Variants in THSD4 observed in about 807,000 individuals in gnomAD.
THSD4 encodes the protein thrombospondin type-1 domain-containing protein 4.
THSD4 carries 69 observed loss-of-function variants against 119.0 expected under a neutral mutation model. The ratio of observed to expected loss-of-function variants is 0.58; its 90% confidence interval spans 0.48 to 0.71. The LOEUF (loss-of-function observed/expected upper bound fraction) is 0.71. Among genes scored for constraint, THSD4 ranks in the 30% least tolerant of loss-of-function variants. THSD4 has a pLI of 0.00. For missense variants in THSD4, 1,393 were observed against 1,391.1 expected (o/e 1.00, Z -0.02); for synonymous variants, 524 against 540.4 (o/e 0.97, Z 0.42).
intron 8 of THSD4, among the ~76,000 whole-genome samples, chr15:71,665,838 C>T (rs1344936549): frequency 6.6e-6 from 1 of 152,080 alleles, no homozygotes; most frequent in Non-Finnish European, 1.5e-5. Context: ...GGCCTTATTT[C>T]TCTATTCTGT....
At chr15:71,657,000 T>G (rs1040854719) in intron 7 of THSD4, among the ~76,000 whole-genome samples, 6 of 152,120 alleles carry the variant, frequency 3.9e-5, no homozygotes, top group Non-Finnish European at 7.3e-5. Context: ...CCATCCCCAG[T>G]CCCCTCATTC....
chr15:71,349,448 C>T (rs1018459858), intron 6 of THSD4, among the ~76,000 whole-genome samples: 1 of 152,176 alleles, frequency 6.6e-6, no homozygotes, highest in African/African-American at 2.4e-5. Context: ...TCCATCTCCC[C>T]CTGCCCCTAT....
At chr15:71,233,444 A>T (rs2044077016) in intron 4 of THSD4, among the ~76,000 whole-genome samples, 1 of 152,190 alleles carries the variant, frequency 6.6e-6, no homozygotes. Context: ...TATACTGTGT[A>T]CATTTTTCAT....
Position 71,641,769 on chromosome 15 carries a change from A to G in THSD4, c.1153-18761A>G, listed in dbSNP as rs1490590655. Reference sequence around the variant, plus strand: ...TTCATTAAAGGGATATTTTTAAGCCACTGTTTTCACAAGAAAACCAAATGC... The same window carrying G: ...TTCATTAAAGGGATATTTTTAAGCCGCTGTTTTCACAAGAAAACCAAATGC... On this transcript the variant is annotated intron_variant, in intron 7 of 17. Transcript: ENST00000261862. Among the ~76,000 whole-genome samples, 7 of 152,310 alleles carry G rather than the reference A, an allele frequency of 4.6e-5. No individual in the cohort carries two copies. The South Asian group carries it at 1.4e-3, about 32-fold the overall frequency.
chr15:71,520,229 A>T (rs2048419932), intron 7 of THSD4, among the ~76,000 whole-genome samples: 1 of 152,166 alleles, frequency 6.6e-6, no homozygotes, highest in Non-Finnish European at 1.5e-5. Context: ...AGAGGGTTGG[A>T]GCGTGCTCTC....
chr15:71,307,293 CTCTGTGTCACCG>C (rs976551611), intron 6 of THSD4, among the ~76,000 whole-genome samples: 19 of 152,254 alleles, frequency 1.2e-4, no homozygotes, highest in Admixed American at 8.5e-4. Flanking sequence ...GCTGTGTGAC[CTCTGTGTCACCG>C]TCTTCCCACA....
intron 1 of THSD4, among the ~76,000 whole-genome samples, chr15:71,135,273 C>T (rs1278991243): frequency 6.8e-5 from 10 of 146,944 alleles, no homozygotes; most frequent in South Asian, 2.2e-4. Context: ...TGCTAGATGA[C>T]GAGTTGGTGC....
At chr15:71,156,510 C>T (rs1049037421) in intron 3 of THSD4, among the ~76,000 whole-genome samples, 7 of 152,050 alleles carry the variant, frequency 4.6e-5, no homozygotes, top group Non-Finnish European at 1.0e-4. Context: ...GGTGATCCAC[C>T]CACCTCGGCC....
chr15:71,758,706 A>T (rs1384745764), intron 15 of THSD4, among the ~76,000 whole-genome samples: 1 of 152,186 alleles, frequency 6.6e-6, no homozygotes, highest in Non-Finnish European at 1.5e-5. Flanking sequence ...GCCACTTAGC[A>T]TTTGGCTCCC....
At chr15:71,417,994 A>G (rs1047248696) in intron 7 of THSD4, among the ~76,000 whole-genome samples, 1 of 107,206 alleles carries the variant, frequency 9.3e-6, no homozygotes, top group African/African-American at 3.2e-5. Context: ...ATTTGTAGCT[A>G]TAGTAAATGG....
At chr15:71,252,542 T>C (rs1250491903) in intron 5 of THSD4, among the ~76,000 whole-genome samples, 1 of 152,246 alleles carries the variant, frequency 6.6e-6, no homozygotes, top group Non-Finnish European at 1.5e-5. Context: ...CTTTGGCCTC[T>C]AGCCCTATCC....
intron 6 of THSD4, among the ~76,000 whole-genome samples, chr15:71,312,173 T>C (rs1460627451): frequency 6.6e-6 from 1 of 152,088 alleles, no homozygotes; most frequent in Non-Finnish European, 1.5e-5. Flanking sequence ...TATTTGGAGA[T>C]AAGACCTTTA....
At chr15:71,165,238 A>C (rs1284748693) in intron 3 of THSD4, 10 of 1,560,186 alleles carry the variant, frequency 6.4e-6, no homozygotes, top group Non-Finnish European at 8.0e-6. Flanking sequence ...CCATATCTTG[A>C]AATTTTCCTT....
chr15:71,514,028 T>C (rs2048319881), intron 7 of THSD4, among the ~76,000 whole-genome samples: 1 of 152,186 alleles, frequency 6.6e-6, no homozygotes, highest in South Asian at 2.1e-4. Context: ...GACTTACTTG[T>C]TTACTTGCTT....
At chr15:71,695,894 T>C (rs2052155998) in intron 8 of THSD4, among the ~76,000 whole-genome samples, 1 of 152,190 alleles carries the variant, frequency 6.6e-6, no homozygotes, top group African/African-American at 2.4e-5. Flanking sequence ...GTGAAGATTA[T>C]ATAAGACAAT....
chr15:71,544,914 T>C (rs556548899), intron 7 of THSD4, among the ~76,000 whole-genome samples: 1 of 152,246 alleles, frequency 6.6e-6, no homozygotes, highest in Admixed American at 6.5e-5. Context: ...AAAGGACAAA[T>C]ACTGTAGTGT....
At chr15:71,654,899 C>T (rs1262577200) in intron 7 of THSD4, among the ~76,000 whole-genome samples, 1 of 152,196 alleles carries the variant, frequency 6.6e-6, no homozygotes, top group Non-Finnish European at 1.5e-5. Context: ...AGGACCTCCA[C>T]TATCTGAATG....
intron 7 of THSD4, among the ~76,000 whole-genome samples, chr15:71,558,753 G>C (rs1595884262): frequency 6.6e-6 from 1 of 152,242 alleles, no homozygotes; most frequent in East Asian, 1.9e-4. Context: ...TTACACACGT[G>C]AGCCACTGCC....
intron 5 of THSD4, among the ~76,000 whole-genome samples, chr15:71,254,996 A>G (rs1470863126): frequency 6.6e-6 from 1 of 152,180 alleles, no homozygotes; most frequent in East Asian, 1.9e-4. Flanking sequence ...CAGCCTCCCC[A>G]ACTGCGACTG....
Sources: allele counts gnomAD v4.1 joint callset (sites outside exome capture counted in the v4.1 genomes callset), GRCh38; gene constraint gnomAD v4.1.1; transcripts MANE v1.5; gene names NCBI Gene and HGNC (gene_info 2026-07-23, HGNC 2026-07-21).